The following STAT3 variants were observed in gnomAD, a reference collection of about 807,000 sequenced individuals.
STAT3 encodes signal transducer and activator of transcription 3.
A neutral mutation model predicts 114.3 loss-of-function variants in STAT3; 7 were observed. The ratio of observed to expected loss-of-function variants is 0.06; its 90% CI spans 0.03 to 0.11. The LOEUF is 0.11. STAT3 is among the 10% of genes least tolerant of loss of function. STAT3 has a pLI of 1.00. For synonymous variants in STAT3, 331 were observed against 354.5 expected (o/e 0.93, Z 0.74); for missense variants, 364 against 960.9 (o/e 0.38, Z 8.21).
chr17:42,346,634 G>A lies in STAT3; in HGVS notation c.208C>T (p.Arg70Cys), dbSNP rs2144992202. The change falls in exon 3 of 24, where the codon CGC becomes TGC. Residue 70 changes from arginine (R) to cysteine (C), a missense_variant. Arg to Cys is a radical substitution (Grantham distance 180). Coordinates refer to ENST00000264657, the MANE Select transcript of STAT3 (RefSeq NM_139276.3). ...AGAACATTCGACTCTTGCAGGAAGC[G>A]GCTATACTGCTGGTCAATCTCTCCC... ...LLGEIDQQYS[R>C]FLQESNVLYQ... The A allele has an allele frequency of 1.2e-6, 2 of 1,614,064 alleles. No individual in the cohort carries two copies. Among genetic ancestry groups the A allele is most frequent in the Admixed American group, 1.7e-5 (1 of 60,006 alleles).
At chr17:42,322,865 A>T (rs2081537417) in intron 20 of STAT3, 139 bp downstream of exon 20, 1 of 1,221,968 alleles carries the variant, frequency 8.2e-7, no homozygotes, top group African/African-American at 1.5e-5. Flanking sequence ...AAGTCACGCA[A>T]ATGTGTTTTG....
chr17:42,339,089 C>A (rs566365007), intron 5 of STAT3, among the ~76,000 whole-genome samples: 13 of 151,672 alleles, frequency 8.6e-5, no homozygotes, highest in South Asian at 2.1e-4. Context: ...CCCATCTCTA[C>A]AAATTTTTTT....
In STAT3 at chr17:42,378,141, G is replaced by A. The variant is rs1442972552; in HGVS notation, c.-24+10138C>T. Among the ~76,000 whole-genome samples, 12 of 147,042 alleles carry A rather than the reference G, an allele frequency of 8.2e-5. No homozygotes were observed. In the East Asian group the frequency reaches 1.8e-3, roughly 22 times the overall value. On this transcript the variant is annotated intron_variant, in intron 1 of 23. Coordinates refer to ENST00000264657, the MANE Select transcript of STAT3 (RefSeq NM_139276.3). The stretch of plus-strand genomic sequence containing the variant: ...GCTGGGATTACAGGCGTGAGCCACC[G>A]CACCCAGCCAGATTATTCTTAATCA...
Position 42,314,699 on chromosome 17 carries a change from C to T in STAT3, c.*1046G>A, listed in dbSNP as rs1470463587. Reference sequence around the variant, plus strand: ...AAAAAGTCTAAAATGCTTAGATTCTCCTTAAACCTTCCTATTTCAACACCA... The same window carrying T: ...AAAAAGTCTAAAATGCTTAGATTCTTCTTAAACCTTCCTATTTCAACACCA... On this transcript the variant is annotated 3_prime_UTR_variant, in exon 24 of 24. Coordinates refer to ENST00000264657, the MANE Select transcript of STAT3 (RefSeq NM_139276.3). The T allele has an allele frequency of 4.5e-6, 1 of 222,550 alleles. No homozygotes were observed. The highest frequency in any genetic ancestry group is 2.2e-5 in the African/African-American group (1 of 44,678). 13.8% of individuals were successfully genotyped at this position (222,550 alleles called of 1,614,324 possible).
rs578067134 is a variant in STAT3 at position 42,375,492 on chromosome 17, C to T, written c.-24+12787G>A. 3.9e-5 allele frequency among the ~76,000 whole-genome samples: 6 copies of T among 152,296 alleles called. No individual in the cohort carries two copies. The South Asian group carries it at 1.0e-3, about 26-fold the overall frequency. On this transcript the variant is annotated intron_variant, in intron 1 of 23. Transcript: ENST00000264657. The stretch of plus-strand genomic sequence containing the variant: ...TTAGACCAACCTTTCTCAAACTCTT[C>T]GCTCTCATGGCCCCTTTATTTATTA...
At chr17:42,353,893 A>T (rs1415550029) in intron 1 of STAT3, among the ~76,000 whole-genome samples, 1 of 152,060 alleles carries the variant, frequency 6.6e-6, no homozygotes, top group Non-Finnish European at 1.5e-5. Flanking sequence ...CTATTTAATT[A>T]TTTGTCTTGG....
intron 1 of STAT3, among the ~76,000 whole-genome samples, chr17:42,361,590 A>T (rs2083511790): frequency 6.6e-6 from 1 of 152,258 alleles, no homozygotes; most frequent in African/African-American, 2.4e-5. Context: ...ATCAGAGCAG[A>T]GATCAGGGCT....
intron 1 of STAT3, among the ~76,000 whole-genome samples, chr17:42,366,392 C>T (rs977714816): frequency 1.3e-5 from 2 of 152,136 alleles, no homozygotes; most frequent in South Asian, 2.1e-4. Flanking sequence ...TGGAAGTGAC[C>T]GGGCACAATG....
At chr17:42,354,680 G>A (rs543064996) in intron 1 of STAT3, among the ~76,000 whole-genome samples, 25 of 151,026 alleles carry the variant, frequency 1.7e-4, no homozygotes, top group Non-Finnish European at 3.2e-4. Flanking sequence ...GGTGGTGGGC[G>A]CCTGTAGTCT....
At chr17:42,345,041 G>A (rs957971208) in intron 4 of STAT3, among the ~76,000 whole-genome samples, 4 of 151,716 alleles carry the variant, frequency 2.6e-5, no homozygotes, top group South Asian at 4.2e-4. Context: ...TGAGGCGGGC[G>A]GATCACCTGA....
intron 1 of STAT3, among the ~76,000 whole-genome samples, chr17:42,385,060 C>A (rs1235935468): frequency 2.6e-5 from 4 of 152,136 alleles, no homozygotes; most frequent in African/African-American, 9.7e-5. Flanking sequence ...AGAACAGCTA[C>A]CTTGTTAGCA....
intron 1 of STAT3, among the ~76,000 whole-genome samples, chr17:42,372,876 GAAATA>G (rs750074146): frequency 1.3e-5 from 2 of 152,082 alleles, no homozygotes; most frequent in African/African-American, 4.8e-5. Context: ...AATAAAAATA[GAAATA>G]AAATAAACTC....
intron 1 of STAT3, among the ~76,000 whole-genome samples, chr17:42,362,711 G>A (rs185538898): frequency 6.6e-5 from 10 of 152,282 alleles, no homozygotes; most frequent in East Asian, 1.9e-4. Flanking sequence ...CAAATTCATC[G>A]AGCTAATGAA....
At position 42,338,831 on chromosome 17, in the gene STAT3, C is replaced by CAA. The variant is rs773715880; in HGVS notation, c.469-21_469-20dup. On this transcript the variant is annotated intron_variant, in intron 5 of 23. Coordinates refer to ENST00000264657, the MANE Select transcript of STAT3 (RefSeq NM_139276.3). ...CTAGATCCTGTTTAAAATAAGCAAA[C>CAA]AAAAAAACAGAAGTAAAGAAAGATT... is the stretch of plus-strand genomic sequence containing the variant. The CAA allele has an allele frequency of 6.3e-7, 1 of 1,589,036 alleles. No individual in the cohort carries two copies. Among genetic ancestry groups the CAA allele is most frequent in the Non-Finnish European group, 8.6e-7 (1 of 1,160,958 alleles).
intron 1 of STAT3, 172 bp downstream of exon 1, chr17:42,388,107 T>G: frequency 2.5e-6 from 2 of 807,846 alleles, no homozygotes; most frequent in Non-Finnish European, 3.3e-6. Flanking sequence ...CGAGGCCCGC[T>G]CCTGTCATCC....
At chr17:42,349,403 C>A (rs558041979) in intron 1 of STAT3, among the ~76,000 whole-genome samples, 1 of 152,336 alleles carries the variant, frequency 6.6e-6, no homozygotes, top group Non-Finnish European at 1.5e-5. Context: ...CTTTCTCCTC[C>A]ACAGCCCTTT....
chr17:42,337,620 T>C lies in STAT3; in HGVS notation c.646-34A>G. 6.2e-7 allele frequency: 1 copy of C among 1,614,168 alleles called. No individual in the cohort carries two copies. The highest frequency in any genetic ancestry group is 8.5e-7 in the Non-Finnish European group (1 of 1,180,020). On this transcript the variant is annotated intron_variant, in intron 7 of 23. Transcript: ENST00000264657. This position sits in a 1 kb window ranked among gnomAD's most constrained non-coding sequence, Gnocchi z 4.0. ...AAACCAAAACAAAGTCAGAAAACAT[T>C]TCCTCAGACTGTCTCTAACCACATT...
chr17:42,356,180 C>A (rs1475219725), intron 1 of STAT3, among the ~76,000 whole-genome samples: 1 of 151,974 alleles, frequency 6.6e-6, no homozygotes, highest in South Asian at 2.1e-4. Context: ...GGAACCAGTC[C>A]TTTTAAGAGA....
At chr17:42,355,407 A>T (rs1035519992) in intron 1 of STAT3, among the ~76,000 whole-genome samples, 1 of 152,222 alleles carries the variant, frequency 6.6e-6, no homozygotes, top group Non-Finnish European at 1.5e-5. Flanking sequence ...CTCTGGGTGC[A>T]TAAGAGAGAA....
Sources: gnomAD v4.1 joint callset for allele counts (sites outside exome capture counted in the v4.1 genomes callset) on GRCh38, gnomAD v4.1.1 for gene constraint, Gnocchi (gnomAD v3.1) non-coding constraint, MANE v1.5 for transcripts, NCBI Gene and HGNC (gene_info 2026-07-23, HGNC 2026-07-21) for gene names.